HINFP: variants seen among roughly 807,000 people sequenced by gnomAD.
The protein encoded by HINFP is histone H4 transcription factor.
In HINFP, 20 loss-of-function variants were observed where a neutral mutation model predicts 50.1. The observed-to-expected ratio is 0.40, with a 90% confidence interval of 0.28 to 0.58. The LOEUF is 0.58. HINFP is among the 20% of genes least tolerant of loss of function. The probability of loss-of-function intolerance (pLI) is 0.45; values close to 1 mark genes in which losing one functional copy is unlikely to be tolerated. For missense variants in HINFP, 505 were observed against 664.1 expected (o/e 0.76, Z 2.63); for synonymous variants, 247 against 243.7 (o/e 1.01, Z -0.13).
rs1406735845 is a variant in HINFP, at chr11:119,125,033, G to GTGTA, written c.-10-1899_-10-1898insATGT. The stretch of plus-strand genomic sequence containing the variant: ...TAGTTTTTTGTTTGTGTGTGTGTGT[G>GTGTA]TGTTTTTTTTTTTTTTTTTTTTTGA... On this transcript the variant is annotated intron_variant, in intron 1 of 9. Coordinates refer to ENST00000350777, the MANE Select transcript of HINFP (RefSeq NM_198971.3). 5.0e-3 allele frequency: 652 copies of GTGTA among 131,398 alleles called. 4 individuals are homozygous for GTGTA. Among genetic ancestry groups the GTGTA allele is most frequent in the African/African-American group, 0.018 (624 of 34,668 alleles). The allele number at this position is 131,398 out of a possible 1,614,324, so 8.1% of individuals were successfully genotyped here. A position where few individuals can be genotyped will look rare whatever the true frequency, so the allele number is the denominator to read the frequency against.
chr11:119,129,471 A>G (rs1356997867), intron 2 of HINFP, among the ~76,000 whole-genome samples: 3 of 142,296 alleles, frequency 2.1e-5, no homozygotes, highest in South Asian at 2.6e-4. Flanking sequence ...TGCATCTGGC[A>G]GGAATACATT....
rs1947956838 is a variant in HINFP at position 119,134,391 on chromosome 11, C to A, written c.1447C>A (p.Leu483Met). Residue 483 changes from leucine (L) to methionine (M), a missense_variant, in exon 10 of 10, where the codon CTG becomes ATG. By Grantham distance (15) the Leu-to-Met change is conservative. Transcript: ENST00000350777. This position sits in a 1 kb window ranked among gnomAD's most constrained non-coding sequence, Gnocchi z 4.3. ...CCAGCAAGAGATCGTCTACTATGTG[C>A]TGTCTGAAGCCCCAGGGGAGCCTCC... ...QGQQEIVYYV[L>M]SEAPGEPPPA... 6.2e-7 allele frequency: 1 copy of A among 1,614,074 alleles called. No individual in the cohort carries two copies. Among genetic ancestry groups the A allele is most frequent in the African/African-American group, 1.3e-5 (1 of 74,948 alleles).
chr11:119,128,132 G>A (rs952641229), intron 2 of HINFP, among the ~76,000 whole-genome samples: 4 of 152,008 alleles, frequency 2.6e-5, no homozygotes, highest in African/African-American at 7.3e-5. Context: ...GATTACAGGC[G>A]TGAGCCACCG....
chr11:119,121,784 C>T (rs1947072754), intron 1 of HINFP, 145 bp downstream of exon 1: 1 of 152,700 alleles, frequency 6.5e-6, no homozygotes, highest in South Asian at 2.1e-4. Flanking sequence ...GCTTTCTAGT[C>T]TAGGGGCTTC....
chr11:119,127,108 A>AGGAAGG lies in HINFP; in HGVS notation c.167_168insAGGGGA (p.Glu56_Asp57insGlyGlu). 1 of 1,612,334 alleles carries AGGAAGG rather than the reference A, an allele frequency of 6.2e-7. No homozygotes were observed. Among genetic ancestry groups the AGGAAGG allele is most frequent in the Non-Finnish European group, 8.5e-7 (1 of 1,179,604 alleles). ...TCTGGGGAGGAGGAGGAAGAGGAAG[A>AGGAAGG]GGAGGATGACCCACTTGGTAAGAGA... On this transcript the variant is annotated inframe_insertion, in exon 2 of 10. Transcript: ENST00000350777.
chr11:119,131,491 C>T lies in HINFP; in HGVS notation c.412-44C>T, dbSNP rs751218545. 3 of 1,338,506 alleles carry T rather than the reference C, an allele frequency of 2.2e-6. No individual in the cohort carries two copies. Among genetic ancestry groups the T allele is most frequent in the East Asian group, 4.6e-5 (2 of 43,668 alleles). The allele number at this position is 1,338,506 out of a possible 1,614,324, so 82.9% of individuals were successfully genotyped here. A position where few individuals can be genotyped will look rare whatever the true frequency, so the allele number is the denominator to read the frequency against. ...TCTTCGGGCACATAGGGGTGAGTCC[C>T]TCTACCCACCCTCAGTCCTCACCCC... On this transcript the variant is annotated intron_variant, in intron 3 of 9. Transcript: ENST00000350777. This position sits in a 1 kb window ranked among gnomAD's most constrained non-coding sequence, Gnocchi z 4.2.
chr11:119,133,349 G>A (rs1269204735), intron 9 of HINFP, 130 bp downstream of exon 9: 11 of 1,136,434 alleles, frequency 9.7e-6, no homozygotes, highest in African/African-American at 6.2e-5. Context: ...GGGAGGCCAA[G>A]GTGGGCGGAT....
At chr11:119,128,559 C>A (rs1351135154) in intron 2 of HINFP, among the ~76,000 whole-genome samples, 1 of 150,436 alleles carries the variant, frequency 6.6e-6, no homozygotes, top group African/African-American at 2.4e-5. Flanking sequence ...AACTCCTGAC[C>A]TCAGGTGATC....
At chr11:119,127,223 G>A in intron 2 of HINFP, 98 bp downstream of exon 2, 1 of 987,900 alleles carries the variant, frequency 1.0e-6, no homozygotes, top group Non-Finnish European at 1.4e-6. Flanking sequence ...AGAGAATGGT[G>A]GTTTATTTTC....
At chr11:119,125,035 G>GTGTGTTT in intron 1 of HINFP, 1 of 100,222 alleles carries the variant, frequency 1.0e-5, no homozygotes, top group African/African-American at 4.0e-5. Context: ...GTGTGTGTGT[G>GTGTGTTT]TTTTTTTTTT....
Position 119,135,435 on chromosome 11 carries a change from G to T in HINFP, c.*937G>T, listed in dbSNP as rs1948010315. ...GGGAAGGAAGCTGGGGGGTGGAGAG[G>T]ATTGGGAAGCCTCCCAGGGAAGGGA... On this transcript the variant is annotated 3_prime_UTR_variant, in exon 10 of 10. Coordinates refer to ENST00000350777, the MANE Select transcript of HINFP (RefSeq NM_198971.3). The T allele has an allele frequency of 6.6e-6, 1 of 152,166 alleles. No homozygotes were observed. Among genetic ancestry groups the T allele is most frequent in the Non-Finnish European group, 1.5e-5 (1 of 68,040 alleles). 9.4% of individuals were successfully genotyped at this position (152,166 alleles called of 1,614,324 possible).
chr11:119,132,957 C>T lies in HINFP; in HGVS notation c.969C>T (p.Ala323=), dbSNP rs1226531922. 1.2e-6 allele frequency: 2 copies of T among 1,614,072 alleles called. No homozygotes were observed. Among genetic ancestry groups the T allele is most frequent in the African/African-American group, 2.7e-5 (2 of 74,916 alleles). Residue 323 remains alanine, a synonymous_variant, in exon 8 of 10, where the codon GCC becomes GCT. Coordinates refer to ENST00000350777, the MANE Select transcript of HINFP (RefSeq NM_198971.3). ...ATTTTGAGAACTGCACCTTCAGTGC[C>T]CGATCCCTCTGCTCTATCAAGTCCC... ...RCDFENCTFS[A]RSLCSIKSHY...
chr11:119,132,610 T>G (rs765351974), intron 6 of HINFP, 37 bp downstream of exon 6: 1 of 1,614,034 alleles, frequency 6.2e-7, no homozygotes, highest in South Asian at 1.1e-5. Flanking sequence ...CCTCCTGCCC[T>G]CCAAGGTTCC....
rs1255382157 is a variant in HINFP at position 119,132,729 on chromosome 11, C to G, written c.823C>G (p.Arg275Gly). Residue 275 changes from arginine to glycine, a missense_variant, in exon 7 of 10, where the codon CGC becomes GGC. By Grantham distance (125) the Arg-to-Gly change is moderately radical. Coordinates refer to ENST00000350777, the MANE Select transcript of HINFP (RefSeq NM_198971.3). The part of the protein sequence containing the change: ...PLPSSLRNHM[R>G]FRHSEDRPFK... ...GCCTTCCTCCCTCCGCAACCACATG[C>G]GCTTTCGTCACAGTGAGGACCGGCC... is the stretch of plus-strand genomic sequence containing the variant. 1 of 1,613,746 alleles carries G rather than the reference C, an allele frequency of 6.2e-7. No homozygotes were observed. Among genetic ancestry groups the G allele is most frequent in the Non-Finnish European group, 8.5e-7 (1 of 1,180,040 alleles).
In HINFP at chr11:119,133,356, G is replaced by A. The variant is rs532085031; in HGVS notation, c.1139+137G>A. ...AGCACTTTGGGAGGCCAAGGTGGGC[G>A]GATCATGAGGTCAGGAGTTCGAGAC... On this transcript the variant is annotated intron_variant, in intron 9 of 9. Coordinates refer to ENST00000350777, the MANE Select transcript of HINFP (RefSeq NM_198971.3). 2.4e-4 allele frequency: 243 copies of A among 1,025,064 alleles called. No individual in the cohort carries two copies. In the African/African-American group the frequency reaches 3.0e-3, roughly 13 times the overall value. The allele number at this position is 1,025,064 out of a possible 1,614,324, so 63.5% of individuals were successfully genotyped here. A position where few individuals can be genotyped will look rare whatever the true frequency, so the allele number is the denominator to read the frequency against.
At chr11:119,133,738 G>GC (rs1283990429) in intron 9 of HINFP, 2 of 379,494 alleles carry the variant, frequency 5.3e-6, no homozygotes, top group Non-Finnish European at 9.5e-6. Context: ...AATAAATGGT[G>GC]CCAAAAAGTC....
At chr11:119,123,328 G>T (rs1792317953) in intron 1 of HINFP, among the ~76,000 whole-genome samples, 2 of 152,050 alleles carry the variant, frequency 1.3e-5, no homozygotes, top group Non-Finnish European at 2.9e-5. Flanking sequence ...ATGAAGTGTA[G>T]AGAGGACTCA....
chr11:119,122,718 A>G (rs753869537), intron 1 of HINFP, among the ~76,000 whole-genome samples: 1 of 152,206 alleles, frequency 6.6e-6, no homozygotes, highest in African/African-American at 2.4e-5. Flanking sequence ...ATTGATAGCA[A>G]AGATGTGTGT....
At position 119,134,152 on chromosome 11, in the gene HINFP, A is replaced by G. The variant is rs779913164; in HGVS notation, c.1208A>G (p.Gln403Arg). 1 of 1,613,972 alleles carries G rather than the reference A, an allele frequency of 6.2e-7. No individual in the cohort carries two copies. Among genetic ancestry groups the G allele is most frequent in the Non-Finnish European group, 8.5e-7 (1 of 1,179,976 alleles). ...CGCTACGAGAGTGTAGAGCTGACACAGCAACTGCTGCGGCAACCACAAGAG... is the reference window on the plus strand; with the variant it reads ...CGCTACGAGAGTGTAGAGCTGACACGGCAACTGCTGCGGCAACCACAAGAG... ...LVRYESVELT[Q>R]QLLRQPQEGS... The change falls in exon 10 of 10, where the codon CAG becomes CGG. Residue 403 changes from glutamine to arginine, a missense_variant. Coordinates refer to ENST00000350777, the MANE Select transcript of HINFP (RefSeq NM_198971.3). This position sits in a 1 kb window ranked among gnomAD's most constrained non-coding sequence, Gnocchi z 4.3.
Sources: gnomAD v4.1 joint callset for allele counts (sites outside exome capture counted in the v4.1 genomes callset) on GRCh38, gnomAD v4.1.1 for gene constraint, Gnocchi (gnomAD v3.1) non-coding constraint, MANE v1.5 for transcripts, NCBI Gene and HGNC (gene_info 2026-07-23, HGNC 2026-07-21) for gene names.